The following RBMS3 variants were observed in gnomAD, a reference collection of about 807,000 sequenced individuals.
RBMS3 encodes RNA binding motif single stranded interacting protein 3.
RBMS3 carries 27 observed loss-of-function variants against 66.8 expected under a neutral mutation model. That is an observed-to-expected ratio of 0.40 (90% CI 0.30 to 0.56). The LOEUF (loss-of-function observed/expected upper bound fraction) is 0.56. RBMS3 is among the 20% of genes least tolerant of loss of function. RBMS3 has a pLI of 0.40. For missense variants in RBMS3, 513 were observed against 549.5 expected, an observed-to-expected ratio of 0.93 and a Z score of 0.66; for synonymous variants, 188 against 183.0, an observed-to-expected ratio of 1.03 and a Z score of -0.22.
intron 6 of RBMS3, among the ~76,000 whole-genome samples, chr3:29,864,683 A>C (rs111890200): frequency 0.019 from 2,935 of 152,266 alleles, 84 homozygotes; most frequent in African/African-American, 0.068. Flanking sequence ...TCTTTGCAGC[A>C]AACAGATTCA....
intron 4 of RBMS3, among the ~76,000 whole-genome samples, chr3:29,595,397 TA>T (rs551487113): frequency 0.02 from 2,038 of 99,870 alleles, 42 homozygotes; most frequent in African/African-American, 0.056. Flanking sequence ...AGAGTCAGTC[TA>T]AAAAAAAAAA....
chr3:29,998,571 C>A (rs1333512555), intron 14 of RBMS3, among the ~76,000 whole-genome samples: 1 of 152,046 alleles, frequency 6.6e-6, no homozygotes, highest in South Asian at 2.1e-4. Flanking sequence ...AACAGAGATA[C>A]AGACCAATGG....
At chr3:29,461,786 C>T (rs2042375820) in intron 2 of RBMS3, among the ~76,000 whole-genome samples, 1 of 151,876 alleles carries the variant, frequency 6.6e-6, no homozygotes, top group South Asian at 2.1e-4. Flanking sequence ...CGGAGTCTCA[C>T]TCTGTCACCT....
rs147640012 is a variant in RBMS3, at chr3:29,730,227, C to T, written c.400-9493C>T. Among the ~76,000 whole-genome samples, 286 of 142,146 alleles carry T rather than the reference C, an allele frequency of 2.0e-3. 2 individuals carry two copies. The highest frequency in any genetic ancestry group is 7.3e-3 in the African/African-American group (277 of 38,064). The allele number at this position is 142,146 out of a possible 152,430, so 93.3% of individuals were successfully genotyped here. A position where few individuals can be genotyped will look rare whatever the true frequency, so the allele number is the denominator to read the frequency against. On this transcript the variant is annotated intron_variant, in intron 4 of 14. Transcript: ENST00000383767. Reference sequence around the variant, plus strand: ...AGATGTCTTATATTTTATTGGGCAGCCTTAATATATATGACACAGTGTTTG... The same window carrying T: ...AGATGTCTTATATTTTATTGGGCAGTCTTAATATATATGACACAGTGTTTG...
chr3:29,458,216 T>C (rs2042258582), intron 2 of RBMS3, among the ~76,000 whole-genome samples: 1 of 152,176 alleles, frequency 6.6e-6, no homozygotes, highest in South Asian at 2.1e-4. Context: ...CCAGTATAAA[T>C]TGAAATAACA....
At chr3:29,544,465 A>G in intron 3 of RBMS3, among the ~76,000 whole-genome samples, 1 of 152,128 alleles carries the variant, frequency 6.6e-6, no homozygotes. Flanking sequence ...ATTTTCAGAA[A>G]TAAAAGAAAA....
chr3:29,636,634 C>T (rs954646742), intron 4 of RBMS3, among the ~76,000 whole-genome samples: 2 of 151,836 alleles, frequency 1.3e-5, no homozygotes, highest in Non-Finnish European at 2.9e-5. Context: ...TGTTGGGTAG[C>T]ATGTTAGAAG....
intron 4 of RBMS3, among the ~76,000 whole-genome samples, chr3:29,609,166 A>C (rs2048408758): frequency 6.6e-6 from 1 of 152,084 alleles, no homozygotes; most frequent in African/African-American, 2.4e-5. Flanking sequence ...ATGAATATAA[A>C]AGTTTCTAAA....
chr3:29,988,122 T>C, intron 12 of RBMS3, 21 bp from the exon 13 acceptor site: 3 of 1,581,710 alleles, frequency 1.9e-6, no homozygotes, highest in Non-Finnish European at 2.6e-6. Context: ...TTCACATGCA[T>C]TTTTCTTTGA....
At chr3:29,842,915 C>T (rs528050844) in intron 6 of RBMS3, among the ~76,000 whole-genome samples, 63 of 152,260 alleles carry the variant, frequency 4.1e-4, no homozygotes, top group African/African-American at 1.5e-3. Flanking sequence ...CAGGGCCCTA[C>T]TGATATTTTA....
At chr3:29,370,843 G>T (rs553943987) in intron 1 of RBMS3, among the ~76,000 whole-genome samples, 37 of 152,326 alleles carry the variant, frequency 2.4e-4, no homozygotes, top group Non-Finnish European at 5.4e-4. Context: ...CTGGGCTGGA[G>T]TGATGAGAAT....
intron 3 of RBMS3, among the ~76,000 whole-genome samples, chr3:29,552,859 A>G (rs1035391271): frequency 6.6e-6 from 1 of 152,162 alleles, no homozygotes; most frequent in Non-Finnish European, 1.5e-5. Context: ...GTATCTGGGT[A>G]GTAAATGGTA....
intron 2 of RBMS3, among the ~76,000 whole-genome samples, chr3:29,456,258 A>G (rs4269045): frequency 0.52 from 78,886 of 152,016 alleles, 20,855 homozygotes; most frequent in East Asian, 0.71. Flanking sequence ...TCCTTTATTT[A>G]TCTTGAGTGT....
At chr3:29,455,803 C>T (rs1411128394) in intron 2 of RBMS3, among the ~76,000 whole-genome samples, 1 of 116,946 alleles carries the variant, frequency 8.6e-6, no homozygotes. Context: ...CACACACGCA[C>T]AAAAAAAAAA....
At chr3:29,657,819 G>A (rs1398600431) in intron 4 of RBMS3, among the ~76,000 whole-genome samples, 3 of 152,012 alleles carry the variant, frequency 2.0e-5, no homozygotes, top group African/African-American at 4.8e-5. Context: ...TAAATGATAC[G>A]AAAGAAAAGA....
intron 4 of RBMS3, among the ~76,000 whole-genome samples, chr3:29,733,642 T>C (rs2054233556): frequency 6.6e-6 from 1 of 152,118 alleles, no homozygotes. Flanking sequence ...ATTTCTCATA[T>C]ATCTGTTGGC....
chr3:29,677,037 G>A (rs534138304), intron 4 of RBMS3, among the ~76,000 whole-genome samples: 3 of 152,258 alleles, frequency 2.0e-5, no homozygotes, highest in Admixed American at 6.5e-5. Flanking sequence ...CAAAGCAGAA[G>A]CAGGCGTCTT....
intron 1 of RBMS3, among the ~76,000 whole-genome samples, chr3:29,425,895 G>A (rs892000795): frequency 2.6e-5 from 4 of 152,264 alleles, no homozygotes; most frequent in African/African-American, 9.6e-5. Context: ...CGTGAAAGCA[G>A]GCATTTGGGT....
chr3:29,328,326 G>A (rs1364193625), intron 1 of RBMS3, among the ~76,000 whole-genome samples: 1 of 152,144 alleles, frequency 6.6e-6, no homozygotes, highest in Non-Finnish European at 1.5e-5. Flanking sequence ...GTTTCGTTAT[G>A]TGTTAGAAGT....
Sources: gnomAD v4.1 joint callset for allele counts (sites outside exome capture counted in the v4.1 genomes callset) on GRCh38, gnomAD v4.1.1 for gene constraint, MANE v1.5 for transcripts, NCBI Gene and HGNC (gene_info 2026-07-23, HGNC 2026-07-21) for gene names.